The following LMBR1 variants were observed in gnomAD, a reference collection of about 807,000 sequenced individuals.
LMBR1 encodes limb region 1 protein homolog.
Under a neutral mutation model 73.9 loss-of-function variants are expected in LMBR1, and 52 were observed. The ratio of observed to expected loss-of-function variants is 0.70; its 90% CI spans 0.56 to 0.89. The LOEUF is 0.89. Ranked by LOEUF, LMBR1 falls within the 40% of genes least tolerant of loss-of-function variation. The pLI is 0.00. For synonymous variants in LMBR1, 215 were observed against 209.4 expected, an observed-to-expected ratio of 1.03 and a Z score of -0.23; for missense variants, 539 against 579.8, an observed-to-expected ratio of 0.93 and a Z score of 0.72.
chr7:156,675,837 G>A (rs779070954), downstream of LMBR1: 1 of 1,613,896 alleles, frequency 6.2e-7, no homozygotes, highest in African/African-American at 1.3e-5. Context: ...GATCACAGAA[G>A]AGGAATGGGA....
At chr7:156,731,100 T>A (rs1356060305) in intron 10 of LMBR1, among the ~76,000 whole-genome samples, 2 of 152,080 alleles carry the variant, frequency 1.3e-5, no homozygotes, top group Admixed American at 1.3e-4. Context: ...TAAATTTAAA[T>A]CTATAAAAAA....
intron 4 of LMBR1, among the ~76,000 whole-genome samples, chr7:156,817,075 ATTTAAAG>A (rs1268327051): frequency 6.6e-6 from 1 of 152,158 alleles, no homozygotes; most frequent in Non-Finnish European, 1.5e-5. Context: ...AGGTATTTGA[ATTTAAAG>A]TTATTTAACT....
chr7:156,856,564 T>C (rs373145635), intron 1 of LMBR1, among the ~76,000 whole-genome samples: 75 of 151,814 alleles, frequency 4.9e-4, no homozygotes, highest in African/African-American at 1.7e-3. Flanking sequence ...CTACTAAAAA[T>C]ACAAAAATTG....
chr7:156,748,113 T>A (rs1452708092), intron 9 of LMBR1: 2 of 152,224 alleles, frequency 1.3e-5, no homozygotes, highest in African/African-American at 4.8e-5. Context: ...ATGCTAATAA[T>A]TATTAAAATA....
intron 15 of LMBR1, among the ~76,000 whole-genome samples, chr7:156,709,264 C>T (rs1464013152): frequency 1.3e-5 from 2 of 152,218 alleles, no homozygotes; most frequent in Admixed American, 1.3e-4. Flanking sequence ...CAGGCCATTA[C>T]AGCAACTCAT....
At position 156,874,638 on chromosome 7, in the gene LMBR1, C is replaced by A. The variant is rs144770993; in HGVS notation, c.66+18290G>T. Reference sequence around the variant, plus strand: ...ACATCACAGGACTCTGTGCAGACAACCCCAGTACCAGCCCTGCCTGGTAGA... The same window carrying A: ...ACATCACAGGACTCTGTGCAGACAAACCCAGTACCAGCCCTGCCTGGTAGA... On this transcript the variant is annotated intron_variant, in intron 1 of 16. Coordinates refer to ENST00000353442, the MANE Select transcript of LMBR1 (RefSeq NM_022458.4). Among the ~76,000 whole-genome samples the A allele has an allele frequency of 2.0e-5, 3 of 152,338 alleles. No homozygotes were observed. The East Asian group carries it at 5.8e-4, about 29-fold the overall frequency.
rs545572665 is a variant in LMBR1 at position 156,714,595 on chromosome 7, G to A, written c.1225+9517C>T. Among the ~76,000 whole-genome samples, 7 of 152,294 alleles carry A rather than the reference G, an allele frequency of 4.6e-5. No homozygotes were observed. The South Asian group carries it at 1.0e-3, about 23-fold the overall frequency. ...ACTGTACAGTATTTGAATGGCAAAC[G>A]TCTTTGCAGCATTTGGAGCAGGGAA... On this transcript the variant is annotated intron_variant, in intron 15 of 16. Coordinates refer to ENST00000353442, the MANE Select transcript of LMBR1 (RefSeq NM_022458.4).
At chr7:156,856,196 A>G (rs1185169873) in intron 1 of LMBR1, among the ~76,000 whole-genome samples, 2 of 152,148 alleles carry the variant, frequency 1.3e-5, no homozygotes, top group Admixed American at 6.5e-5. Context: ...CTCTGTCTCA[A>G]TAAATAAATA....
At chr7:156,729,418 G>GATATATATATATAT (rs10676443) in intron 10 of LMBR1, among the ~76,000 whole-genome samples, 1 of 146,972 alleles carries the variant, frequency 6.8e-6, no homozygotes, top group African/African-American at 2.5e-5. Flanking sequence ...TCTACATATT[G>GATATATATATATAT]ATATATATAT....
At chr7:156,882,268 A>G (rs1365544578) in intron 1 of LMBR1, among the ~76,000 whole-genome samples, 1 of 152,142 alleles carries the variant, frequency 6.6e-6, no homozygotes, top group East Asian at 1.9e-4. Flanking sequence ...ATAGTGAGAC[A>G]TCGTCTCTAC....
intron 5 of LMBR1, among the ~76,000 whole-genome samples, chr7:156,790,265 T>C (rs765320602): frequency 2.6e-5 from 4 of 152,106 alleles, no homozygotes; most frequent in Non-Finnish European, 4.4e-5. Flanking sequence ...AGTTGGTGCA[T>C]TTAAGCACCT....
intron 15 of LMBR1, among the ~76,000 whole-genome samples, chr7:156,705,290 G>A (rs1420814196): frequency 6.6e-6 from 1 of 152,182 alleles, no homozygotes; most frequent in Non-Finnish European, 1.5e-5. Flanking sequence ...GGGCATAGTG[G>A]CTTACACCTG....
At chr7:156,689,661 G>A (rs1486742370) in intron 15 of LMBR1, among the ~76,000 whole-genome samples, 1 of 152,102 alleles carries the variant, frequency 6.6e-6, no homozygotes, top group African/African-American at 2.4e-5. Flanking sequence ...TTTTAAGGTA[G>A]ATAATTAATG....
intron 15 of LMBR1, among the ~76,000 whole-genome samples, chr7:156,705,037 A>G (rs947902168): frequency 6.6e-6 from 1 of 152,212 alleles, no homozygotes; most frequent in African/African-American, 2.4e-5. Context: ...TAAATGGTGA[A>G]AAGATCCCAA....
intron 5 of LMBR1, among the ~76,000 whole-genome samples, chr7:156,774,123 C>A (rs919114837): frequency 1.3e-5 from 2 of 152,008 alleles, no homozygotes; most frequent in Non-Finnish European, 2.9e-5. Flanking sequence ...AATGCAACAA[C>A]ACTAATCATT....
chr7:156,744,039 C>CA (rs1819386718), intron 9 of LMBR1, among the ~76,000 whole-genome samples: 2 of 152,146 alleles, frequency 1.3e-5, no homozygotes, highest in African/African-American at 2.4e-5. Flanking sequence ...TGAGGGAATG[C>CA]ATAACAGATG....
chr7:156,804,655 A>G (rs1227577469), intron 4 of LMBR1, among the ~76,000 whole-genome samples: 1 of 152,110 alleles, frequency 6.6e-6, no homozygotes, highest in Non-Finnish European at 1.5e-5. Context: ...TGTCTTTTTT[A>G]GCTAAGTATC....
intron 3 of LMBR1, among the ~76,000 whole-genome samples, chr7:156,832,373 G>A (rs1836839978): frequency 2.0e-5 from 3 of 152,164 alleles, no homozygotes; most frequent in Admixed American, 1.3e-4. Flanking sequence ...TCAGGGGTGT[G>A]TAGTTCATTC....
rs142802584 is a variant in LMBR1, at chr7:156,727,893, T to C, written c.993+37A>G. 150 of 1,470,898 alleles carry C rather than the reference T, an allele frequency of 1.0e-4. No individual in the cohort carries two copies. In the African/African-American group the frequency reaches 1.9e-3, roughly 18 times the overall value. The allele number at this position is 1,470,898 out of a possible 1,614,324, so 91.1% of individuals were successfully genotyped here. A position where few individuals can be genotyped will look rare whatever the true frequency, so the allele number is the denominator to read the frequency against. On this transcript the variant is annotated intron_variant, in intron 12 of 16. Transcript: ENST00000353442. ...CTCAGGGTATAGACATAGAATACTTTTGCAAAAGAAAGACATTTTAAAGGA... is the reference window on the plus strand; with the variant it reads ...CTCAGGGTATAGACATAGAATACTTCTGCAAAAGAAAGACATTTTAAAGGA...
Sources: allele counts gnomAD v4.1 joint callset (sites outside exome capture counted in the v4.1 genomes callset), GRCh38; gene constraint gnomAD v4.1.1; transcripts MANE v1.5; gene names NCBI Gene and HGNC (gene_info 2026-07-23, HGNC 2026-07-21).